Variants in ENTPD6 observed in about 807,000 individuals in gnomAD.
The protein encoded by ENTPD6 is CD39 antigen-like 2.
ENTPD6 carries 46 observed loss-of-function variants against 61.5 expected under a neutral mutation model. The ratio of observed to expected loss-of-function variants is 0.75; its 90% confidence interval spans 0.59 to 0.96. ENTPD6 has a LOEUF of 0.96. Ranked by LOEUF, ENTPD6 falls within the 40% of genes least tolerant of loss-of-function variation. The pLI is 0.00. For missense variants in ENTPD6, 612 were observed against 629.0 expected (o/e 0.97, Z 0.29); for synonymous variants, 252 against 255.5 (o/e 0.99, Z 0.13).
chr20:25,209,794 G>A, intron 3 of ENTPD6, 55 bp from the exon 4 acceptor site: 1 of 1,442,604 alleles, frequency 6.9e-7, no homozygotes. Flanking sequence ...ATGATTGTAT[G>A]TGTTCTCCTG....
At chr20:25,198,424 G>T (rs764650081) in intron 1 of ENTPD6, among the ~76,000 whole-genome samples, 3 of 152,034 alleles carry the variant, frequency 2.0e-5, no homozygotes, top group Non-Finnish European at 4.4e-5. Context: ...GCAGTAAGCT[G>T]AGATTGTGCT....
At chr20:25,209,622 ATAAT>A (rs965890220) in intron 3 of ENTPD6, among the ~76,000 whole-genome samples, 13 of 151,540 alleles carry the variant, frequency 8.6e-5, no homozygotes, top group East Asian at 5.8e-4. Flanking sequence ...TTTTAAAAAA[ATAAT>A]TAATTAAGAA....
rs371107168 is a variant in ENTPD6, at chr20:25,207,289, C to A, written c.268C>A (p.Pro90Thr). 1.2e-6 allele frequency: 2 copies of A among 1,609,622 alleles called. No homozygotes were observed. Among genetic ancestry groups the A allele is most frequent in the Non-Finnish European group, 1.7e-6 (2 of 1,176,702 alleles). ...CCGGTGGGGTCAGCAGGCCCACAGC[C>A]CCCTGGGGACAGCTGCAGACGGGCA... ...GARWGQQAHSPLGTAADGHEV... is the reference protein window; with the variant it reads ...GARWGQQAHSTLGTAADGHEV... Residue 90 changes from proline to threonine, a missense_variant, in exon 3 of 15, where the codon CCC becomes ACC. Transcript: ENST00000376652.
intron 1 of ENTPD6, among the ~76,000 whole-genome samples, chr20:25,202,991 T>C (rs143843981): frequency 4.6e-5 from 7 of 152,370 alleles, no homozygotes; most frequent in Non-Finnish European, 8.8e-5. Context: ...CTTTTATTAA[T>C]CTGGAAGTGT....
rs537311278 is a variant in ENTPD6 at position 25,206,574 on chromosome 20, C to T, written c.38C>T (p.Thr13Met). The T allele has an allele frequency of 1.8e-5, 29 of 1,613,504 alleles. No homozygotes were observed. The highest frequency in any genetic ancestry group is 1.7e-4 in the Middle Eastern group (1 of 6,060). The change falls in exon 2 of 15, where the codon ACG becomes ATG. Residue 13 changes from threonine (T) to methionine (M), a missense_variant. Transcript: ENST00000376652. ...KGIRYETSRK[T>M]SYIFQQPQHG... ...ATCCGTTATGAAACTTCCAGAAAAA[C>T]GAGCTACATTTTTCAGGTTTGTCTG...
At chr20:25,219,170 G>A (rs1421826008) in intron 10 of ENTPD6, among the ~76,000 whole-genome samples, 1 of 152,212 alleles carries the variant, frequency 6.6e-6, no homozygotes, top group Non-Finnish European at 1.5e-5. Flanking sequence ...CATGAGCCAT[G>A]ACACCCAGCC....
intron 13 of ENTPD6, 63 bp downstream of exon 13, chr20:25,224,220 G>A: frequency 6.7e-7 from 1 of 1,491,932 alleles, no homozygotes; most frequent in Non-Finnish European, 9.2e-7. Context: ...CGTGACGCAG[G>A]CGCTGGCCCT....
rs371032568 is a variant in ENTPD6, at chr20:25,217,489, C to T, written c.799-13C>T. The T allele has an allele frequency of 1.9e-4, 303 of 1,612,812 alleles. No individual in the cohort carries two copies. The highest frequency in any genetic ancestry group is 2.4e-4 in the Non-Finnish European group (284 of 1,178,820). ...GACCAGCAGGAAACATAGTTACCCT[C>T]GTTCTTCTCCAGGGCACCCTGCAGG... On this transcript the variant is annotated splice_polypyrimidine_tract_variant and intron_variant, in intron 8 of 14. Transcript: ENST00000376652.
intron 10 of ENTPD6, among the ~76,000 whole-genome samples, chr20:25,219,824 C>T (rs2092550298): frequency 6.6e-6 from 1 of 152,256 alleles, no homozygotes; most frequent in Non-Finnish European, 1.5e-5. Context: ...AATTTTCATT[C>T]TCCTGTGCAT....
chr20:25,197,757 C>A (rs1346257857), intron 1 of ENTPD6, among the ~76,000 whole-genome samples: 1 of 152,218 alleles, frequency 6.6e-6, no homozygotes, highest in Admixed American at 6.5e-5. Context: ...GTTCTGTGCT[C>A]TCTCAGTACT....
intron 1 of ENTPD6, chr20:25,197,362 CA>C: frequency 2.2e-6 from 1 of 457,728 alleles, no homozygotes; most frequent in Non-Finnish European, 2.9e-6. Context: ...GCAGGAGCCA[CA>C]CCTCTCTGTT....
At chr20:25,223,040 C>T (rs558112248) in intron 12 of ENTPD6, 62 bp downstream of exon 12, 2 of 1,535,324 alleles carry the variant, frequency 1.3e-6, no homozygotes, top group Non-Finnish European at 1.8e-6. Context: ...GGGTGGAGGG[C>T]GTGTGCTCCC....
chr20:25,195,753 G>C lies in ENTPD6; in HGVS notation c.-130G>C, dbSNP rs987127669. On this transcript the variant is annotated 5_prime_UTR_variant, in exon 1 of 15. Coordinates refer to ENST00000376652, the MANE Select transcript of ENTPD6 (RefSeq NM_001247.5). ...AGGGAATCGTGGGGTCGTATCCCGCGGGTGGAGGCCGGGGTGGCGCCGGCC... is the reference window on the plus strand; with the variant it reads ...AGGGAATCGTGGGGTCGTATCCCGCCGGTGGAGGCCGGGGTGGCGCCGGCC... The C allele has an allele frequency of 5.9e-5, 51 of 869,204 alleles. No homozygotes were observed. Among genetic ancestry groups the C allele is most frequent in the Non-Finnish European group, 7.5e-5 (49 of 649,668 alleles). 53.8% of individuals were successfully genotyped at this position (869,204 alleles called of 1,614,324 possible).
chr20:25,216,838 G>A, intron 8 of ENTPD6, 102 bp downstream of exon 8: 2 of 817,364 alleles, frequency 2.4e-6, no homozygotes, highest in Non-Finnish European at 3.8e-6. Context: ...TGGGGTGGGG[G>A]GTGGGGTTGG....
intron 12 of ENTPD6, 151 bp downstream of exon 12, chr20:25,223,129 G>A (rs551045716): frequency 1.9e-5 from 16 of 856,244 alleles, no homozygotes; most frequent in South Asian, 1.2e-4. Context: ...TTGAGAAGGC[G>A]TCTCATCCTG....
Position 25,220,269 on chromosome 20 carries a change from C to T in ENTPD6, c.944-963C>T, listed in dbSNP as rs115045607. On this transcript the variant is annotated intron_variant, in intron 10 of 14. Coordinates refer to ENST00000376652, the MANE Select transcript of ENTPD6 (RefSeq NM_001247.5). ...ACACAGGCTCATCTGGGCAGCACCT[C>T]CGCTGGGGTCCTGGGGATCTGTGCA... Among the ~76,000 whole-genome samples the T allele has an allele frequency of 1.2e-3, 188 of 152,356 alleles. 1 individual carries two copies. Among genetic ancestry groups the T allele is most frequent in the African/African-American group, 4.2e-3 (176 of 41,576 alleles).
chr20:25,198,076 A>G (rs1388292542), intron 1 of ENTPD6, among the ~76,000 whole-genome samples: 2 of 152,142 alleles, frequency 1.3e-5, no homozygotes, highest in Non-Finnish European at 2.9e-5. Flanking sequence ...GTTTTTTTAA[A>G]TGGGTAGACA....
intron 1 of ENTPD6, among the ~76,000 whole-genome samples, chr20:25,199,102 A>C (rs1016690934): frequency 6.6e-6 from 1 of 151,932 alleles, no homozygotes; most frequent in African/African-American, 2.4e-5. Flanking sequence ...AGCTGCTGGG[A>C]TCTGGTTTTG....
rs1225854298 is a variant in ENTPD6, at chr20:25,195,743, C to A, written c.-140C>A. On this transcript the variant is annotated 5_prime_UTR_variant, in exon 1 of 15. Coordinates refer to ENST00000376652, the MANE Select transcript of ENTPD6 (RefSeq NM_001247.5). ...CCCAGGCCCTAGGGAATCGTGGGGT[C>A]GTATCCCGCGGGTGGAGGCCGGGGT... is the stretch of plus-strand genomic sequence containing the variant. The A allele has an allele frequency of 5.2e-6, 4 of 763,330 alleles. No individual in the cohort carries two copies. The highest frequency in any genetic ancestry group is 4.3e-5 in the Admixed American group (1 of 23,028). 47.3% of individuals were successfully genotyped at this position (763,330 alleles called of 1,614,324 possible). A position where few individuals can be genotyped will look rare whatever the true frequency, so the allele number is the denominator to read the frequency against.
Sources: allele counts gnomAD v4.1 joint callset (sites outside exome capture counted in the v4.1 genomes callset), GRCh38; gene constraint gnomAD v4.1.1; transcripts MANE v1.5; gene names NCBI Gene and HGNC (gene_info 2026-07-23, HGNC 2026-07-21).